The following GPBP1L1 variants were observed in gnomAD, a reference collection of about 807,000 sequenced individuals.
The protein encoded by GPBP1L1 is GC-rich promoter binding protein 1 like 1, also known as vasculin-like protein 1.
In GPBP1L1, 23 loss-of-function variants were observed where a neutral mutation model predicts 52.5. That is an observed-to-expected ratio of 0.44 (90% CI 0.32 to 0.62). The LOEUF (loss-of-function observed/expected upper bound fraction) is 0.62, where lower values mean the gene tolerates loss of function less well. Among genes scored for constraint, GPBP1L1 ranks in the 20% least tolerant of loss-of-function variants. The pLI is 0.06. For missense variants in GPBP1L1, 596 were observed against 579.3 expected, an observed-to-expected ratio of 1.03 and a Z score of -0.30; for synonymous variants, 243 against 203.1, an observed-to-expected ratio of 1.20 and a Z score of -1.67.
Position 45,660,542 on chromosome 1 carries a change from A to T in GPBP1L1, c.-414T>A, listed in dbSNP as rs1644936347. The T allele has an allele frequency of 1.0e-6, 1 of 985,062 alleles. No individual in the cohort carries two copies. The highest frequency in any genetic ancestry group is 1.2e-6 in the Non-Finnish European group (1 of 829,700). 61.0% of individuals were successfully genotyped at this position (985,062 alleles called of 1,614,324 possible). A position where few individuals can be genotyped will look rare whatever the true frequency, so the allele number is the denominator to read the frequency against. The stretch of plus-strand genomic sequence containing the variant: ...GCACTATGATGTTGCTTAATTAGGT[A>T]AGACATGGATATTTGCACCGAGTGC... On this transcript the variant is annotated 5_prime_UTR_variant, in exon 3 of 13. Coordinates refer to ENST00000355105, the MANE Select transcript of GPBP1L1 (RefSeq NM_021639.5).
chr1:45,653,147 G>A (rs1644839257), intron 6 of GPBP1L1, among the ~76,000 whole-genome samples: 1 of 152,136 alleles, frequency 6.6e-6, no homozygotes, highest in African/African-American at 2.4e-5. Flanking sequence ...AGACTTGAGG[G>A]TAGAGGAGCT....
intron 2 of GPBP1L1, among the ~76,000 whole-genome samples, chr1:45,666,350 T>TGGTC (rs1645011248): frequency 6.6e-6 from 1 of 152,144 alleles, no homozygotes; most frequent in African/African-American, 2.4e-5. Flanking sequence ...TTCACCATAT[T>TGGTC]GGTCAGGTTA....
chr1:45,666,285 A>AG (rs1645010097), intron 2 of GPBP1L1, among the ~76,000 whole-genome samples: 2 of 151,804 alleles, frequency 1.3e-5, no homozygotes, highest in Non-Finnish European at 2.9e-5. Flanking sequence ...AGCTGGGACT[A>AG]CAGGCGCCCA....
rs539579466 is a variant in GPBP1L1 at position 45,650,024 on chromosome 1, A to G, written c.477+4519T>C. Among the ~76,000 whole-genome samples the G allele has an allele frequency of 6.1e-4, 93 of 152,314 alleles. 1 individual carries two copies. The highest frequency in any genetic ancestry group is 2.2e-3 in the African/African-American group (90 of 41,568). ...TTCTTGCCTTATTGTACTTGTTAGG[A>G]CCTCTAATACAATGATAAATACAAG... On this transcript the variant is annotated intron_variant, in intron 6 of 12. Coordinates refer to ENST00000355105, the MANE Select transcript of GPBP1L1 (RefSeq NM_021639.5).
rs767226355 is a variant in GPBP1L1, at chr1:45,640,341, C to A, written c.613G>T (p.Asp205Tyr). Residue 205 changes from aspartate (D) to tyrosine (Y), a missense_variant, in exon 8 of 13, where the codon GAT becomes TAT. Coordinates refer to ENST00000355105, the MANE Select transcript of GPBP1L1 (RefSeq NM_021639.5). The stretch of plus-strand genomic sequence containing the variant: ...GCAGCAGAGAAGGCAGCAGCAGGAT[C>A]CTCTTTGGAAACTTTTTTGATAACT... ...MLVIKKVSKE[D>Y]PAAAFSAAFT... is the part of the protein sequence containing the mutation. The A allele has an allele frequency of 3.1e-6, 5 of 1,614,002 alleles. No individual in the cohort carries two copies. In the African/African-American group the frequency reaches 6.7e-5, roughly 22 times the overall value.
chr1:45,645,163 T>C (rs1441796199), intron 6 of GPBP1L1, among the ~76,000 whole-genome samples: 3 of 152,150 alleles, frequency 2.0e-5, no homozygotes, highest in South Asian at 2.1e-4. Context: ...CAAGCTCTTC[T>C]TTTAAGTATG....
chr1:45,637,731 A>G (rs1644614369), intron 8 of GPBP1L1, among the ~76,000 whole-genome samples: 2 of 152,096 alleles, frequency 1.3e-5, no homozygotes, highest in African/African-American at 4.8e-5. Flanking sequence ...AGACATCTTA[A>G]AGTAACACTT....
chr1:45,651,162 G>C, intron 6 of GPBP1L1: 1 of 490,744 alleles, frequency 2.0e-6, no homozygotes, highest in Non-Finnish European at 4.1e-6. Flanking sequence ...AATTGATCCT[G>C]ATAGCTTCCA....
chr1:45,637,932 C>G (rs1367088163), intron 8 of GPBP1L1, among the ~76,000 whole-genome samples: 1 of 152,132 alleles, frequency 6.6e-6, no homozygotes, highest in Non-Finnish European at 1.5e-5. Context: ...GAAACTGAGA[C>G]TGGGAAGTGA....
intron 6 of GPBP1L1, among the ~76,000 whole-genome samples, chr1:45,653,413 T>C (rs190067639): frequency 6.6e-6 from 1 of 152,218 alleles, no homozygotes; most frequent in East Asian, 1.9e-4. Context: ...ATGAATGCAG[T>C]GGGGCAATCA....
intron 6 of GPBP1L1, among the ~76,000 whole-genome samples, chr1:45,644,122 T>C (rs11211146): frequency 0.28 from 43,064 of 152,030 alleles, 6,228 homozygotes; most frequent in South Asian, 0.36. Context: ...ACCACTACAA[T>C]AGGAGAACAA....
chr1:45,651,607 C>A, intron 6 of GPBP1L1: 1 of 677,812 alleles, frequency 1.5e-6, no homozygotes, highest in Non-Finnish European at 2.7e-6. Context: ...GAGGCATTTT[C>A]AGCTGCATAT....
At chr1:45,643,315 C>T (rs966803517) in intron 6 of GPBP1L1, among the ~76,000 whole-genome samples, 1 of 152,066 alleles carries the variant, frequency 6.6e-6, no homozygotes, top group African/African-American at 2.4e-5. Flanking sequence ...GCAAAGCAGG[C>T]AAGAGCCAGC....
intron 6 of GPBP1L1, among the ~76,000 whole-genome samples, chr1:45,653,330 T>C (rs1644841172): frequency 6.6e-6 from 1 of 152,110 alleles, no homozygotes; most frequent in Non-Finnish European, 1.5e-5. Context: ...GGTCAGGCAT[T>C]TGAGACTGGC....
At chr1:45,659,881 C>A (rs755570810) in intron 3 of GPBP1L1, among the ~76,000 whole-genome samples, 8 of 152,120 alleles carry the variant, frequency 5.3e-5, no homozygotes, top group Non-Finnish European at 1.0e-4. Context: ...GTTGAGGCTG[C>A]AGTGAGCTGA....
At chr1:45,685,129 A>G (rs1203123583) in intron 2 of GPBP1L1, among the ~76,000 whole-genome samples, 1 of 152,094 alleles carries the variant, frequency 6.6e-6, no homozygotes, top group African/African-American at 2.4e-5. Context: ...CAGGTACTCC[A>G]TACCTAAAGT....
chr1:45,677,963 CA>C lies in GPBP1L1; in HGVS notation c.-1098+7612del, dbSNP rs1177267991. Reference sequence around the variant, plus strand: ...AACAAGTTGTAAAACCTCTATGACCCATTAATCCTAATCACCCATGACCACA... The same window carrying C: ...AACAAGTTGTAAAACCTCTATGACCCTTAATCCTAATCACCCATGACCACA... On this transcript the variant is annotated intron_variant, in intron 2 of 12. Transcript: ENST00000355105. Among the ~76,000 whole-genome samples, 3 of 152,168 alleles carry C rather than the reference CA, an allele frequency of 2.0e-5. No homozygotes were observed. In the East Asian group the frequency reaches 5.8e-4, roughly 29 times the overall value.
intron 8 of GPBP1L1, 65 bp downstream of exon 8, chr1:45,640,145 A>AT (rs1644651931): frequency 7.5e-7 from 1 of 1,330,946 alleles, no homozygotes; most frequent in South Asian, 1.4e-5. Flanking sequence ...AAATTTATTA[A>AT]TTTTTTCCTG....
intron 4 of GPBP1L1, chr1:45,655,534 G>A (rs1557708892): frequency 2.4e-6 from 1 of 416,260 alleles, no homozygotes. Context: ...CTTTATTCCA[G>A]GAGAGGAGAA....
Sources: allele counts gnomAD v4.1 joint callset (sites outside exome capture counted in the v4.1 genomes callset), GRCh38; gene constraint gnomAD v4.1.1; transcripts MANE v1.5; gene names NCBI Gene and HGNC (gene_info 2026-07-23, HGNC 2026-07-21).